Variants in DPH6 observed in about 807,000 individuals in gnomAD.
DPH6 encodes the protein diphthine--ammonia ligase.
In DPH6, 33 loss-of-function variants were observed where a neutral mutation model predicts 38.2. The observed-to-expected ratio is 0.86, with a 90% confidence interval of 0.65 to 1.15. DPH6 has a LOEUF of 1.15. Among genes scored for constraint, DPH6 ranks in the 50% most tolerant of loss-of-function variants. The probability of loss-of-function intolerance (pLI) is 0.00; values close to 1 mark genes in which losing one functional copy is unlikely to be tolerated. For synonymous variants in DPH6, 108 were observed against 103.0 expected (o/e 1.05, Z -0.30); for missense variants, 325 against 320.0 (o/e 1.02, Z -0.12).
chr15:35,193,188 T>A, the DPH6 span, among the ~76,000 whole-genome samples: 1 of 152,022 alleles, frequency 6.6e-6, no homozygotes, highest in Admixed American at 6.6e-5. Context: ...GAAATGTGTA[T>A]GGGAAATAAC....
the DPH6 span, among the ~76,000 whole-genome samples, chr15:35,190,424 G>A: frequency 1.3e-5 from 2 of 152,208 alleles, no homozygotes; most frequent in African/African-American, 4.8e-5. Context: ...TCAGAGATGA[G>A]ATCATAGGGA....
chr15:35,359,403 C>A (rs911937787), intron 3 of DPH6, among the ~76,000 whole-genome samples: 2 of 152,214 alleles, frequency 1.3e-5, no homozygotes, highest in Non-Finnish European at 2.9e-5. Flanking sequence ...CAGAAGGCTT[C>A]TCACTCTGTT....
chr15:35,225,045 A>G (rs2051471280), intron 3 of DPH6, among the ~76,000 whole-genome samples: 1 of 152,216 alleles, frequency 6.6e-6, no homozygotes, highest in Admixed American at 6.5e-5. Flanking sequence ...AGGATAACAC[A>G]TTGCATTCAG....
intron 3 of DPH6, among the ~76,000 whole-genome samples, chr15:35,228,565 CCA>C (rs1254128109): frequency 6.6e-6 from 1 of 152,108 alleles, no homozygotes; most frequent in African/African-American, 2.4e-5. Flanking sequence ...GTAGCTGGGA[CCA>C]CAGACACGTG....
At chr15:35,150,695 G>A in the DPH6 span, among the ~76,000 whole-genome samples, 4 of 152,140 alleles carry the variant, frequency 2.6e-5, no homozygotes, top group Non-Finnish European at 5.9e-5. Flanking sequence ...CTTTACATGG[G>A]AGATCATCAT....
At chr15:35,196,167 A>C in the DPH6 span, among the ~76,000 whole-genome samples, 1 of 152,240 alleles carries the variant, frequency 6.6e-6, no homozygotes. Flanking sequence ...AACGTAAAAT[A>C]GTAGAAAACA....
downstream of DPH6, among the ~76,000 whole-genome samples, chr15:35,327,721 TTGGTCTCTAACTTCTCTAGGCC>T: frequency 6.6e-6 from 1 of 152,304 alleles, no homozygotes; most frequent in East Asian, 1.9e-4. Context: ...TTGTGAGACT[TTGGTCTCTAACTTCTCTAGGCC>T]TTGGTTTCCT....
chr15:35,531,235 T>C (rs1043618456), intron 3 of DPH6, among the ~76,000 whole-genome samples: 3 of 152,194 alleles, frequency 2.0e-5, no homozygotes, highest in Non-Finnish European at 4.4e-5. Context: ...AAGATGCATA[T>C]ACTAAAACTA....
At chr15:35,527,078 G>A (rs1458017278) in intron 3 of DPH6, among the ~76,000 whole-genome samples, 4 of 151,982 alleles carry the variant, frequency 2.6e-5, no homozygotes, top group Non-Finnish European at 5.9e-5. Flanking sequence ...TTTATCATTC[G>A]TTTTCTTCTC....
intron 7 of DPH6, among the ~76,000 whole-genome samples, chr15:35,376,375 A>C (rs973183613): frequency 2.0e-5 from 3 of 152,210 alleles, no homozygotes; most frequent in Non-Finnish European, 4.4e-5. Flanking sequence ...GAATACAGTC[A>C]CGTGCCACAT....
the DPH6 span, among the ~76,000 whole-genome samples, chr15:35,209,779 G>T: frequency 2.0e-5 from 3 of 152,162 alleles, no homozygotes; most frequent in African/African-American, 7.2e-5. Context: ...CAATTACGAG[G>T]CAGAACACAA....
At chr15:35,226,211 C>T (rs1325173980) in intron 3 of DPH6, among the ~76,000 whole-genome samples, 4 of 152,010 alleles carry the variant, frequency 2.6e-5, no homozygotes, top group African/African-American at 7.2e-5. Flanking sequence ...TGTATCTATT[C>T]GGTTTTCTGC....
At chr15:35,408,408 G>A (rs763157559) in intron 6 of DPH6, among the ~76,000 whole-genome samples, 10 of 151,974 alleles carry the variant, frequency 6.6e-5, no homozygotes, top group Non-Finnish European at 1.5e-4. Context: ...TGATGACAAA[G>A]AGAATGGCAA....
At chr15:35,349,513 T>C (rs1286930423) in intron 3 of DPH6, among the ~76,000 whole-genome samples, 1 of 152,198 alleles carries the variant, frequency 6.6e-6, no homozygotes, top group Non-Finnish European at 1.5e-5. Flanking sequence ...TTCGGCTTAC[T>C]GCAACCTCTG....
chr15:35,519,898 G>GA (rs2054898059), intron 3 of DPH6: 1 of 151,940 alleles, frequency 6.6e-6, no homozygotes, highest in South Asian at 2.1e-4. Context: ...TTCAATGGGG[G>GA]AAAAAACTTA....
At chr15:35,160,975 C>T in the DPH6 span, among the ~76,000 whole-genome samples, 1 of 151,958 alleles carries the variant, frequency 6.6e-6, no homozygotes, top group African/African-American at 2.4e-5. Flanking sequence ...GAACATCACA[C>T]ACCAGGGACT....
the DPH6 span, among the ~76,000 whole-genome samples, chr15:35,198,316 G>A: frequency 6.6e-6 from 1 of 152,150 alleles, no homozygotes; most frequent in Non-Finnish European, 1.5e-5. Flanking sequence ...TGGCAAGAAA[G>A]ATGGTTTTCT....
chr15:35,154,147 A>G, the DPH6 span, among the ~76,000 whole-genome samples: 1 of 152,310 alleles, frequency 6.6e-6, no homozygotes, highest in Non-Finnish European at 1.5e-5. Context: ...ACAGTAAGGT[A>G]TATTACAAAA....
chr15:35,158,747 T>C, the DPH6 span, among the ~76,000 whole-genome samples: 1 of 152,060 alleles, frequency 6.6e-6, no homozygotes, highest in Non-Finnish European at 1.5e-5. Context: ...GGGTTTTAGT[T>C]AGGGAAATTG....
Sources: allele counts gnomAD v4.1 joint callset (sites outside exome capture counted in the v4.1 genomes callset), GRCh38; gene constraint gnomAD v4.1.1; transcripts MANE v1.5; gene names NCBI Gene and HGNC (gene_info 2026-07-23, HGNC 2026-07-21).